SMOC1: variants seen among roughly 807,000 people sequenced by gnomAD.
The protein encoded by SMOC1 is SPARC related modular calcium binding 1, also known as SPARC-related modular calcium-binding protein 1.
Under a neutral mutation model 56.3 loss-of-function variants are expected in SMOC1, and 22 were observed. The observed-to-expected ratio is 0.39, with a 90% CI of 0.28 to 0.56. The LOEUF (loss-of-function observed/expected upper bound fraction) is 0.56. SMOC1 is among the 20% of genes least tolerant of loss of function. The pLI is 0.61. For missense variants in SMOC1, 509 were observed against 565.4 expected, an observed-to-expected ratio of 0.90 and a Z score of 1.01; for synonymous variants, 193 against 215.0, an observed-to-expected ratio of 0.90 and a Z score of 0.89.
intron 3 of SMOC1, among the ~76,000 whole-genome samples, chr14:69,963,822 G>A (rs2139472430): frequency 6.6e-6 from 1 of 152,320 alleles, no homozygotes. Flanking sequence ...ACCCATTCAT[G>A]TGCAGGAAGG....
chr14:69,951,147 G>T (rs1882981685), intron 1 of SMOC1, among the ~76,000 whole-genome samples: 1 of 152,110 alleles, frequency 6.6e-6, no homozygotes, highest in Non-Finnish European at 1.5e-5. Context: ...GTGGTCTCAG[G>T]GTTGTTAGGC....
chr14:69,979,406 G>A (rs183285355), intron 5 of SMOC1, among the ~76,000 whole-genome samples: 4 of 152,300 alleles, frequency 2.6e-5, no homozygotes, highest in Admixed American at 2.6e-4. Context: ...GAAAGTGGTT[G>A]GAAAGGGAAG....
At chr14:69,938,065 A>T (rs1594812215) in intron 1 of SMOC1, among the ~76,000 whole-genome samples, 3 of 152,310 alleles carry the variant, frequency 2.0e-5, no homozygotes, top group Admixed American at 2.0e-4. Flanking sequence ...TTGTCAGTGT[A>T]AATCTCTCCA....
At chr14:69,941,987 G>A (rs1042158785) in intron 1 of SMOC1, among the ~76,000 whole-genome samples, 3 of 152,158 alleles carry the variant, frequency 2.0e-5, no homozygotes, top group Non-Finnish European at 4.4e-5. Flanking sequence ...CATAATAGGT[G>A]CTCAGTGAGT....
chr14:69,889,135 A>G (rs1883891226), intron 1 of SMOC1, among the ~76,000 whole-genome samples: 1 of 152,232 alleles, frequency 6.6e-6, no homozygotes, highest in Non-Finnish European at 1.5e-5. Context: ...TAATAGCCAC[A>G]TGTGGTTGGT....
In SMOC1 at chr14:69,949,315, A is replaced by C. The variant is rs566192452; in HGVS notation, c.100-2823A>C. Among the ~76,000 whole-genome samples the C allele has an allele frequency of 3.3e-5, 5 of 152,222 alleles. No individual in the cohort carries two copies. The South Asian group carries it at 1.0e-3, about 32-fold the overall frequency. Reference sequence around the variant, plus strand: ...CGGAAAGCCAGGCCTGTGATGTCCCACTGGCAGGTGTTGAGGGAATGGCAG... The same window carrying C: ...CGGAAAGCCAGGCCTGTGATGTCCCCCTGGCAGGTGTTGAGGGAATGGCAG... On this transcript the variant is annotated intron_variant, in intron 1 of 11. Transcript: ENST00000361956.
chr14:69,941,566 T>C (rs1427095749), intron 1 of SMOC1, among the ~76,000 whole-genome samples: 1 of 152,220 alleles, frequency 6.6e-6, no homozygotes, highest in Non-Finnish European at 1.5e-5. Flanking sequence ...CTCTGTTGTC[T>C]CTCATACCCT....
At chr14:69,950,738 C>T (rs1252302227) in intron 1 of SMOC1, among the ~76,000 whole-genome samples, 2 of 152,172 alleles carry the variant, frequency 1.3e-5, no homozygotes, top group African/African-American at 4.8e-5. Context: ...TGTAATAGCC[C>T]AATTATTGTT....
chr14:69,950,683 G>A (rs896480744), intron 1 of SMOC1, among the ~76,000 whole-genome samples: 1 of 152,210 alleles, frequency 6.6e-6, no homozygotes, highest in African/African-American at 2.4e-5. Flanking sequence ...AGGTCTCAAG[G>A]CCTGTACAAT....
At chr14:69,967,554 CCAAAA>C (rs201391270) in intron 3 of SMOC1, among the ~76,000 whole-genome samples, 2,028 of 152,234 alleles carry the variant, frequency 0.013, 57 homozygotes, top group African/African-American at 0.047. Context: ...CCCAGGGAAG[CCAAAA>C]GATTGGACAC....
chr14:69,994,534 G>A lies in SMOC1; in HGVS notation c.664+54G>A, dbSNP rs978406305. On this transcript the variant is annotated intron_variant, in intron 7 of 11. Transcript: ENST00000361956. The stretch of plus-strand genomic sequence containing the variant: ...TACCCAGTCCATCCTTCCTTGCCCC[G>A]TGGTTCTGTGACTACTTATTGTGTG... 90 of 1,409,394 alleles carry A rather than the reference G, an allele frequency of 6.4e-5. 1 individual carries two copies. The South Asian group carries it at 8.5e-4, about 13-fold the overall frequency. 87.3% of individuals were successfully genotyped at this position (1,409,394 alleles called of 1,614,324 possible).
intron 5 of SMOC1, among the ~76,000 whole-genome samples, chr14:69,991,990 G>A (rs918432160): frequency 2.0e-5 from 3 of 152,168 alleles, no homozygotes; most frequent in Non-Finnish European, 4.4e-5. Context: ...GGGCAGGAAA[G>A]GAGCTGGGGA....
chr14:69,922,844 T>C (rs980674162), intron 1 of SMOC1, among the ~76,000 whole-genome samples: 48 of 152,108 alleles, frequency 3.2e-4, no homozygotes, highest in African/African-American at 1.2e-3. Context: ...CCTGTGACTT[T>C]GTGCATCCCA....
chr14:69,903,896 C>A, intron 1 of SMOC1, among the ~76,000 whole-genome samples: 1 of 76,202 alleles, frequency 1.3e-5, no homozygotes, highest in East Asian at 7.1e-4. Context: ...CAAGAATGAT[C>A]AATTAAAAAA....
rs138631886 is a variant in SMOC1 at position 69,898,882 on chromosome 14, C to T, written c.99+19105C>T. Among the ~76,000 whole-genome samples the T allele has an allele frequency of 2.8e-4, 43 of 152,020 alleles. 1 individual carries two copies. The East Asian group carries it at 3.1e-3, about 11-fold the overall frequency. On this transcript the variant is annotated intron_variant, in intron 1 of 11. Coordinates refer to ENST00000361956, the MANE Select transcript of SMOC1 (RefSeq NM_001034852.3). ...ATTTTTTGTTGAAAGCCAGCCATGA[C>T]GTATTGGGCAAAAGGACTTGTGGTA...
intron 1 of SMOC1, among the ~76,000 whole-genome samples, chr14:69,889,712 C>T (rs1463329424): frequency 6.6e-6 from 1 of 151,130 alleles, no homozygotes; most frequent in Non-Finnish European, 1.5e-5. Flanking sequence ...TGACATGGCT[C>T]TTAATGGGCT....
chr14:69,979,950 G>C (rs2139513198), intron 5 of SMOC1, among the ~76,000 whole-genome samples: 1 of 152,274 alleles, frequency 6.6e-6, no homozygotes, highest in South Asian at 2.1e-4. Context: ...ATGGGATTCT[G>C]GTTCTTAAAC....
At chr14:69,910,757 T>A (rs1336733313) in intron 1 of SMOC1, among the ~76,000 whole-genome samples, 1 of 152,136 alleles carries the variant, frequency 6.6e-6, no homozygotes, top group Admixed American at 6.5e-5. Context: ...TCAGGATCCC[T>A]CCTGAGCAGA....
At chr14:69,883,622 C>T (rs1883706521) in intron 1 of SMOC1, among the ~76,000 whole-genome samples, 1 of 152,212 alleles carries the variant, frequency 6.6e-6, no homozygotes, top group South Asian at 2.1e-4. Context: ...ATACTGATTT[C>T]ATTTCCTTTG....
Sources: allele counts gnomAD v4.1 joint callset (sites outside exome capture counted in the v4.1 genomes callset), GRCh38; gene constraint gnomAD v4.1.1; transcripts MANE v1.5; gene names NCBI Gene and HGNC (gene_info 2026-07-23, HGNC 2026-07-21).